Variants in GTF3C3 observed in about 807,000 individuals in gnomAD.
The protein encoded by GTF3C3 is general transcription factor 3C polypeptide 3.
GTF3C3 carries 75 observed loss-of-function variants against 105.2 expected under a neutral mutation model. That is an observed-to-expected ratio of 0.71 (90% confidence interval 0.59 to 0.86). The LOEUF (loss-of-function observed/expected upper bound fraction) is 0.86, where lower values mean the gene tolerates loss of function less well. GTF3C3 is among the 40% of genes least tolerant of loss of function. The pLI is 0.00. For missense variants in GTF3C3, 856 were observed against 1,076.5 expected, an observed-to-expected ratio of 0.80 and a Z score of 2.87; for synonymous variants, 335 against 370.4, an observed-to-expected ratio of 0.90 and a Z score of 1.10.
intron 2 of GTF3C3, among the ~76,000 whole-genome samples, chr2:196,796,892 A>G (rs916255800): frequency 6.6e-6 from 1 of 152,224 alleles, no homozygotes; most frequent in Non-Finnish European, 1.5e-5. Context: ...CTTTCCTGGC[A>G]GAATAAGAAA....
At chr2:196,779,100 T>A (rs777270389) in intron 9 of GTF3C3, 33 bp from the exon 10 acceptor site, 19 of 1,577,740 alleles carry the variant, frequency 1.2e-5, no homozygotes, top group Non-Finnish European at 1.7e-5. Context: ...AAGTTAAACA[T>A]TCATTACAAA....
Position 196,776,050 on chromosome 2 carries a change from TA to T in GTF3C3, c.1654del (p.Tyr552MetfsTer9). ...TAACATAGTAAGTAAGGTATCCACATAACCATACATTTTGCCTTGTGAAAAC... is the reference window on the plus strand; with the variant it reads ...TAACATAGTAAGTAAGGTATCCACATACCATACATTTTGCCTTGTGAAAAC... ...LLFSQGKMYG[Y>X]VDTLLTMLAM... On this transcript the variant is annotated frameshift_variant, in exon 12 of 18. Coordinates refer to ENST00000263956, the MANE Select transcript of GTF3C3 (RefSeq NM_012086.5). LOFTEE classifies it high-confidence loss of function. The surrounding 1 kb of genome is among the most constrained non-coding windows in gnomAD (Gnocchi z 4.5). 1 of 1,596,902 alleles carries T rather than the reference TA, an allele frequency of 6.3e-7. No homozygotes were observed. The highest frequency in any genetic ancestry group is 8.5e-7 in the Non-Finnish European group (1 of 1,169,850).
chr2:196,781,103 C>T (rs1231494857), intron 8 of GTF3C3, among the ~76,000 whole-genome samples: 1 of 151,674 alleles, frequency 6.6e-6, no homozygotes, highest in Non-Finnish European at 1.5e-5. Context: ...TTTTTATCCA[C>T]ATTTAAAGTA....
chr2:196,799,071 C>T (rs183779056), intron 1 of GTF3C3, among the ~76,000 whole-genome samples: 70 of 152,044 alleles, frequency 4.6e-4, no homozygotes, highest in Non-Finnish European at 8.4e-4. Context: ...CAGTGGGAGA[C>T]TCCTCAAAAA....
intron 13 of GTF3C3, chr2:196,774,914 A>C: frequency 2.6e-6 from 1 of 384,706 alleles, no homozygotes; most frequent in Non-Finnish European, 4.6e-6. Flanking sequence ...CTTTCCTTTT[A>C]ATTTTTTTTA....
chr2:196,765,599 AAAT>A (rs764773564), intron 17 of GTF3C3, among the ~76,000 whole-genome samples: 108 of 150,064 alleles, frequency 7.2e-4, no homozygotes, highest in African/African-American at 2.1e-3. Context: ...ATGCATATAT[AAAT>A]AATATGTATG....
intron 12 of GTF3C3, 143 bp from the exon 13 acceptor site, chr2:196,775,394 C>CTG (rs1699243530): frequency 1.7e-6 from 1 of 588,418 alleles, no homozygotes; most frequent in Non-Finnish European, 2.8e-6. Context: ...TAGCTGGGAC[C>CTG]ACAGGCACAT....
At chr2:196,799,217 T>C (rs1699702652) in intron 1 of GTF3C3, 2 of 303,610 alleles carry the variant, frequency 6.6e-6, no homozygotes, top group South Asian at 9.0e-5. Flanking sequence ...CAAACTCTTC[T>C]CCCCACCTCC....
At chr2:196,766,740 T>C in intron 16 of GTF3C3, 23 bp from the exon 17 acceptor site, 1 of 1,583,516 alleles carries the variant, frequency 6.3e-7, no homozygotes, top group Middle Eastern at 1.7e-4. Flanking sequence ...AAAAAGATAA[T>C]TCAATATTTC....
chr2:196,797,708 T>C (rs1035370348), intron 2 of GTF3C3, 89 bp downstream of exon 2: 2 of 777,684 alleles, frequency 2.6e-6, no homozygotes, highest in African/African-American at 3.4e-5. Flanking sequence ...CAACAGAGTA[T>C]CACTGCCATG....
At chr2:196,767,144 C>T (rs1169892650) in intron 16 of GTF3C3, 1 of 152,812 alleles carries the variant, frequency 6.5e-6, no homozygotes, top group Non-Finnish European at 1.5e-5. Context: ...CTTGAGTATA[C>T]TTAACCTTTT....
In GTF3C3 at chr2:196,776,802, T is replaced by C. The variant is rs376319133; in HGVS notation, c.1391-173A>G. Reference sequence around the variant, plus strand: ...AATCTCTATTAATCAATCGATCTAATAAATTTAAATTGCTAAGGAGTAATC... The same window carrying C: ...AATCTCTATTAATCAATCGATCTAACAAATTTAAATTGCTAAGGAGTAATC... On this transcript the variant is annotated intron_variant, in intron 10 of 17. Transcript: ENST00000263956. The surrounding 1 kb of genome is among the most constrained non-coding windows in gnomAD (Gnocchi z 4.5). Among the ~76,000 whole-genome samples the C allele has an allele frequency of 1.2e-4, 18 of 152,356 alleles. No homozygotes were observed. The East Asian group carries it at 2.1e-3, about 18-fold the overall frequency.
chr2:196,791,498 G>A, intron 3 of GTF3C3, 38 bp from the exon 4 acceptor site: 16 of 1,551,090 alleles, frequency 1.0e-5, no homozygotes, highest in Non-Finnish European at 1.4e-5. Flanking sequence ...TTAAAATATA[G>A]TGAAGTCTTA....
intron 7 of GTF3C3, 147 bp downstream of exon 7, chr2:196,785,294 G>T: frequency 1.7e-6 from 1 of 574,040 alleles, no homozygotes; most frequent in Non-Finnish European, 3.0e-6. Context: ...ATACTGAATT[G>T]CTACAGAATC....
chr2:196,764,480 G>GAGTT lies in GTF3C3; in HGVS notation c.*79_*82dup, dbSNP rs776112321. The GAGTT allele has an allele frequency of 2.2e-5, 26 of 1,175,816 alleles. No homozygotes were observed. Among genetic ancestry groups the GAGTT allele is most frequent in the African/African-American group, 6.1e-5 (4 of 65,382 alleles). The allele number at this position is 1,175,816 out of a possible 1,614,324, so 72.8% of individuals were successfully genotyped here. A position where few individuals can be genotyped will look rare whatever the true frequency, so the allele number is the denominator to read the frequency against. Reference sequence around the variant, plus strand: ...TTCTGAAATTGTCATTTCTATTTTGGAGTTACAAATAATAAGCCCTGAGAC... The same window carrying GAGTT: ...TTCTGAAATTGTCATTTCTATTTTGGAGTTAGTTACAAATAATAAGCCCTGAGAC... On this transcript the variant is annotated 3_prime_UTR_variant, in exon 18 of 18. Coordinates refer to ENST00000263956, the MANE Select transcript of GTF3C3 (RefSeq NM_012086.5).
At chr2:196,772,024 C>A in intron 14 of GTF3C3, 86 bp from the exon 15 acceptor site, 16 of 842,536 alleles carry the variant, frequency 1.9e-5, no homozygotes, top group Non-Finnish European at 3.2e-5. Context: ...TGCTGTCCTA[C>A]CAGCACTGAA....
chr2:196,785,590 TAAAAA>T lies in GTF3C3; in HGVS notation c.894-7_894-3del. 2 of 1,584,566 alleles carry T rather than the reference TAAAAA, an allele frequency of 1.3e-6. No individual in the cohort carries two copies. Among genetic ancestry groups the T allele is most frequent in the Non-Finnish European group, 1.7e-6 (2 of 1,159,620 alleles). On this transcript the variant is annotated splice_polypyrimidine_tract_variant and splice_region_variant and intron_variant, in intron 6 of 17. Coordinates refer to ENST00000263956, the MANE Select transcript of GTF3C3 (RefSeq NM_012086.5). ...ACATCATTGGCTTCATAGTAACTCCTAAAAAAAAGTGGCAAAATGGATGAATATTT... is the reference window on the plus strand; with the variant it reads ...ACATCATTGGCTTCATAGTAACTCCTAAAGTGGCAAAATGGATGAATATTT...
intron 8 of GTF3C3, 145 bp from the exon 9 acceptor site, chr2:196,780,807 T>A: frequency 1.1e-6 from 1 of 906,182 alleles, no homozygotes; most frequent in Non-Finnish European, 1.6e-6. Context: ...AGTTCTTATA[T>A]CTCTCTCAGT....
Position 196,775,101 on chromosome 2 carries a change from A to G in GTF3C3, c.1831+15T>C. 6.2e-7 allele frequency: 1 copy of G among 1,607,672 alleles called. No individual in the cohort carries two copies. The highest frequency in any genetic ancestry group is 2.2e-5 in the East Asian group (1 of 44,702). On this transcript the variant is annotated intron_variant, in intron 13 of 17. Coordinates refer to ENST00000263956, the MANE Select transcript of GTF3C3 (RefSeq NM_012086.5). The stretch of plus-strand genomic sequence containing the variant: ...AGCCAAATTTTATATAACATAATGC[A>G]AATGAAGTTATTACCTTTTGCATCA...
Sources: gnomAD v4.1 joint callset for allele counts (sites outside exome capture counted in the v4.1 genomes callset) on GRCh38, gnomAD v4.1.1 for gene constraint, Gnocchi (gnomAD v3.1) non-coding constraint, MANE v1.5 for transcripts, NCBI Gene and HGNC (gene_info 2026-07-23, HGNC 2026-07-21) for gene names.